The following MINK1 variants were observed in gnomAD, a reference collection of about 807,000 sequenced individuals.
MINK1 encodes the protein misshapen-like kinase 1.
A neutral mutation model predicts 178.4 loss-of-function variants in MINK1; 46 were observed. That is an observed-to-expected ratio of 0.26 (90% CI 0.20 to 0.33). The LOEUF (loss-of-function observed/expected upper bound fraction) is 0.33. Ranked by LOEUF, MINK1 falls within the 10% of genes least tolerant of loss-of-function variation. MINK1 has a pLI of 1.00. For synonymous variants in MINK1, 797 were observed against 709.7 expected (o/e 1.12, Z -1.96); for missense variants, 1,366 against 1,814.9 (o/e 0.75, Z 4.49).
chr17:4,894,974 G>T lies in MINK1; in HGVS notation c.2918-101G>T. On this transcript the variant is annotated intron_variant, in intron 24 of 31. Transcript: ENST00000355280. The surrounding 1 kb of genome is among the most constrained non-coding windows in gnomAD (Gnocchi z 4.1). ...TCCTCCTGTCTTTCTCCTCCTTTCT[G>T]CGTATTATGAGGTGCCAAGACCTGA... 3 of 1,256,538 alleles carry T rather than the reference G, an allele frequency of 2.4e-6. No homozygotes were observed. The highest frequency in any genetic ancestry group is 3.3e-6 in the Non-Finnish European group (3 of 899,898). 77.8% of individuals were successfully genotyped at this position (1,256,538 alleles called of 1,614,324 possible). A position where few individuals can be genotyped will look rare whatever the true frequency, so the allele number is the denominator to read the frequency against.
Position 4,895,402 on chromosome 17 carries a change from T to C in MINK1, c.3138T>C (p.Ser1046=). The change falls in exon 26 of 32, where the codon AGT becomes AGC. Residue 1046 remains serine, a synonymous_variant. Coordinates refer to ENST00000355280, the MANE Select transcript of MINK1 (RefSeq NM_153827.5). The surrounding 1 kb of genome is among the most constrained non-coding windows in gnomAD (Gnocchi z 4.3). ...TENGLMLLDR[S]GQGKVYGLIG... ...ACGGGCTGATGTTGCTGGACCGAAG[T>C]GGGCAGGGCAAGGTGTATGGACTCA... 6 of 1,610,738 alleles carry C rather than the reference T, an allele frequency of 3.7e-6. No individual in the cohort carries two copies. Among genetic ancestry groups the C allele is most frequent in the Non-Finnish European group, 5.1e-6 (6 of 1,177,940 alleles).
At chr17:4,869,749 C>CTT (rs199500045) in intron 1 of MINK1, among the ~76,000 whole-genome samples, 8,113 of 130,604 alleles carry the variant, frequency 0.062, 227 homozygotes, top group Non-Finnish European at 0.08. Flanking sequence ...GGCAGCATCT[C>CTT]TTTTTTTTTT....
At chr17:4,849,800 C>T (rs545301205) in intron 1 of MINK1, among the ~76,000 whole-genome samples, 17 of 152,052 alleles carry the variant, frequency 1.1e-4, no homozygotes, top group Admixed American at 2.0e-4. Flanking sequence ...CTCGAACTCC[C>T]GGCCTCAGGT....
Position 4,896,983 on chromosome 17 carries a change from C to T in MINK1, c.3915+170C>T, listed in dbSNP as rs1969584630. ...CACTGCCCTGCGCTCCCTTCAGATT[C>T]CGAGGACTTCCCAGCTGGCCCCCAG... On this transcript the variant is annotated intron_variant, in intron 31 of 31. Transcript: ENST00000355280. The surrounding 1 kb of genome is among the most constrained non-coding windows in gnomAD (Gnocchi z 4.6). The T allele has an allele frequency of 9.6e-7, 1 of 1,040,346 alleles. No homozygotes were observed. Among genetic ancestry groups the T allele is most frequent in the Non-Finnish European group, 1.4e-6 (1 of 729,108 alleles). The allele number at this position is 1,040,346 out of a possible 1,614,324, so 64.4% of individuals were successfully genotyped here. A position where few individuals can be genotyped will look rare whatever the true frequency, so the allele number is the denominator to read the frequency against.
chr17:4,888,949 C>T (rs914454624), intron 12 of MINK1, among the ~76,000 whole-genome samples: 2 of 152,106 alleles, frequency 1.3e-5, no homozygotes, highest in Non-Finnish European at 2.9e-5. Flanking sequence ...ATCCACCTGC[C>T]TCGGCCTCCC....
chr17:4,885,394 C>A lies in MINK1; in HGVS notation c.509-89C>A. The stretch of plus-strand genomic sequence containing the variant: ...GGTCGGGCCAGGACCACAGCTGGCT[C>A]AGGCAAGTCCTGTGTGTGCACGCAG... On this transcript the variant is annotated intron_variant, in intron 6 of 31. Coordinates refer to ENST00000355280, the MANE Select transcript of MINK1 (RefSeq NM_153827.5). This position sits in a 1 kb window ranked among gnomAD's most constrained non-coding sequence, Gnocchi z 5.0. 2 of 1,547,968 alleles carry A rather than the reference C, an allele frequency of 1.3e-6. No homozygotes were observed. Among genetic ancestry groups the A allele is most frequent in the Non-Finnish European group, 1.8e-6 (2 of 1,138,070 alleles).
In MINK1 at chr17:4,897,991, C is replaced by CACCCCT. The variant is rs886053116; in HGVS notation, c.*704_*705insACCCCT. 2.7e-5 allele frequency: 4 copies of CACCCCT among 145,966 alleles called. No individual in the cohort carries two copies. Among genetic ancestry groups the CACCCCT allele is most frequent in the South Asian group, 2.1e-4 (1 of 4,680 alleles). The allele number at this position is 145,966 out of a possible 1,614,324, so 9.0% of individuals were successfully genotyped here. A position where few individuals can be genotyped will look rare whatever the true frequency, so the allele number is the denominator to read the frequency against. On this transcript the variant is annotated 3_prime_UTR_variant, in exon 32 of 32. Transcript: ENST00000355280. ...GCAAGTAACCCTTCTCCCTCCCCCC[C>CACCCCT]CACCCCTCCTCAATGTAGTGGCCTT...
Position 4,894,464 on chromosome 17 carries a change from CA to C in MINK1, c.2809-60del. The C allele has an allele frequency of 1.3e-6, 2 of 1,519,360 alleles. No homozygotes were observed. Among genetic ancestry groups the C allele is most frequent in the Non-Finnish European group, 1.8e-6 (2 of 1,116,992 alleles). 94.1% of individuals were successfully genotyped at this position (1,519,360 alleles called of 1,614,324 possible). A position where few individuals can be genotyped will look rare whatever the true frequency, so the allele number is the denominator to read the frequency against. On this transcript the variant is annotated intron_variant, in intron 23 of 31. Coordinates refer to ENST00000355280, the MANE Select transcript of MINK1 (RefSeq NM_153827.5). The surrounding 1 kb of genome is among the most constrained non-coding windows in gnomAD (Gnocchi z 4.1). Reference sequence around the variant, plus strand: ...GGAGCTGGAGCCTGGGGAACAGCAGCAGGGGCAGGGCCGCAGCTGGACTTGC... The same window carrying C: ...GGAGCTGGAGCCTGGGGAACAGCAGCGGGGCAGGGCCGCAGCTGGACTTGC...
intron 1 of MINK1, chr17:4,847,073 A>G: frequency 1.8e-5 from 8 of 438,130 alleles, no homozygotes; most frequent in South Asian, 1.1e-4. Flanking sequence ...CTGGCCTCAT[A>G]ACCTCCTCAG....
chr17:4,834,884 G>T (rs763011003), intron 1 of MINK1: 64 of 520,010 alleles, frequency 1.2e-4, no homozygotes, highest in Non-Finnish European at 2.1e-4. Flanking sequence ...AGGTGCCCCG[G>T]ATATGGCTGG....
Position 4,892,162 on chromosome 17 carries a change from C to A in MINK1, c.2015C>A (p.Thr672Asn). ...NEAPPKVPQR[T>N]SSIATALNTS... ...TTCTCTCCACAGGTGCCTCAGAGGA[C>A]CTCATCTATCGCCACTGCCCTTAAC... Residue 672 changes from threonine (T) to asparagine (N), a missense_variant, in exon 17 of 32, where the codon ACC becomes AAC. Thr to Asn is a moderately conservative substitution (Grantham distance 65). Transcript: ENST00000355280. 6 of 1,599,070 alleles carry A rather than the reference C, an allele frequency of 3.8e-6. No individual in the cohort carries two copies. The highest frequency in any genetic ancestry group is 5.1e-6 in the Non-Finnish European group (6 of 1,173,828).
At chr17:4,868,391 C>T (rs60019106) in intron 1 of MINK1, among the ~76,000 whole-genome samples, 3,404 of 152,258 alleles carry the variant, frequency 0.022, 107 homozygotes, top group African/African-American at 0.071. Flanking sequence ...ATTTCTGAAT[C>T]CATTAACCAG....
Position 4,897,198 on chromosome 17 carries a change from A to C in MINK1, c.3916-6A>C, listed in dbSNP as rs1597604194. 1.9e-6 allele frequency: 3 copies of C among 1,611,660 alleles called. No individual in the cohort carries two copies. Among genetic ancestry groups the C allele is most frequent in the East Asian group, 2.2e-5 (1 of 44,814 alleles). On this transcript the variant is annotated splice_region_variant and splice_polypyrimidine_tract_variant and intron_variant, in intron 31 of 31. Transcript: ENST00000355280. The stretch of plus-strand genomic sequence containing the variant: ...CCTTGGTGACTTCTTCTCCTGCCCC[A>C]CCCAGGTGTTTTTTGCCTCAGTCCG...
rs184558775 is a variant in MINK1 at position 4,896,037 on chromosome 17, C to G, written c.3399C>G (p.Ala1133=). ...KYERIKFLVI[A]LKSSVEVYAW... ...AGCGGATTAAGTTCCTGGTCATCGC[C>G]CTCAAGAGCTCCGTGGAGGTGTATG... Residue 1133 remains alanine (A), a synonymous_variant, in exon 28 of 32, where the codon GCC becomes GCG. Transcript: ENST00000355280. This position sits in a 1 kb window ranked among gnomAD's most constrained non-coding sequence, Gnocchi z 4.6. The G allele has an allele frequency of 6.2e-7, 1 of 1,605,464 alleles. No individual in the cohort carries two copies.
chr17:4,855,255 G>C (rs2150839914), intron 1 of MINK1, among the ~76,000 whole-genome samples: 1 of 150,708 alleles, frequency 6.6e-6, no homozygotes, highest in Non-Finnish European at 1.5e-5. Flanking sequence ...GGGAGGCTGA[G>C]GCAGGTGGAT....
intron 2 of MINK1, among the ~76,000 whole-genome samples, chr17:4,880,582 C>T (rs970816285): frequency 4.7e-4 from 70 of 148,216 alleles, no homozygotes; most frequent in Non-Finnish European, 7.5e-4. Flanking sequence ...CCACAGCGCC[C>T]GGCTGAGGGG....
In MINK1 at chr17:4,893,557, G is replaced by C; in HGVS notation, c.2524G>C (p.Gly842Arg). Residue 842 changes from glycine (G) to arginine (R), a missense_variant, in exon 21 of 32, where the codon GGC (glycine) becomes CGC (arginine). Gly to Arg is a moderately radical substitution (Grantham distance 125). Around this residue, in one of 14 missense-constraint regions of MINK1, gnomAD observed 709 missense variants for 692.3 expected, o/e 1.02. Coordinates refer to ENST00000355280, the MANE Select transcript of MINK1 (RefSeq NM_153827.5). ...SSEDDEEEGE[G>R]GPAEGSRDTP... ...TGAGGACGACGAGGAGGAAGGCGAA[G>C]GCGGGCCAGCAGAGGGGAGCAGAGA... 1.3e-6 allele frequency: 2 copies of C among 1,585,722 alleles called. No individual in the cohort carries two copies. The highest frequency in any genetic ancestry group is 1.7e-6 in the Non-Finnish European group (2 of 1,161,050).
intron 1 of MINK1, among the ~76,000 whole-genome samples, chr17:4,839,761 G>C (rs1012807226): frequency 1.3e-5 from 2 of 152,174 alleles, no homozygotes; most frequent in Non-Finnish European, 2.9e-5. Context: ...GAATTGTAGT[G>C]ACCCAAGAGA....
intron 1 of MINK1, among the ~76,000 whole-genome samples, chr17:4,863,874 T>C (rs1419636381): frequency 1.3e-5 from 2 of 151,918 alleles, no homozygotes; most frequent in Non-Finnish European, 2.9e-5. Flanking sequence ...ACTGCAACCT[T>C]CGCCTCCCGG....
Sources: gnomAD v4.1 joint callset for allele counts (sites outside exome capture counted in the v4.1 genomes callset) on GRCh38, gnomAD v4.1.1 for gene constraint, gnomAD v4.1.1 regional missense constraint, Gnocchi (gnomAD v3.1) non-coding constraint, MANE v1.5 for transcripts, NCBI Gene and HGNC (gene_info 2026-07-23, HGNC 2026-07-21) for gene names.